The following PDE1C variants were observed in gnomAD, a reference collection of about 807,000 sequenced individuals.
The protein encoded by PDE1C is phosphodiesterase 1C, also known as dual specificity calcium/calmodulin-dependent 3',5'-cyclic nucleotide phosphodiesterase 1C.
PDE1C carries 62 observed loss-of-function variants against 93.1 expected under a neutral mutation model. That is an observed-to-expected ratio of 0.67 (90% CI 0.54 to 0.82). The LOEUF (loss-of-function observed/expected upper bound fraction) is 0.82, where lower values mean the gene tolerates loss of function less well. PDE1C is among the 40% of genes least tolerant of loss of function. The pLI is 0.00. For synonymous variants in PDE1C, 325 were observed against 310.1 expected, an observed-to-expected ratio of 1.05 and a Z score of -0.50; for missense variants, 742 against 884.6, an observed-to-expected ratio of 0.84 and a Z score of 2.04.
intron 3 of PDE1C, among the ~76,000 whole-genome samples, chr7:32,159,788 C>G (rs989800819): frequency 6.7e-6 from 1 of 150,094 alleles, no homozygotes; most frequent in Non-Finnish European, 1.5e-5. Flanking sequence ...GCCCAAAAAC[C>G]GGAAGCTCTA....
At chr7:31,852,644 C>A (rs1793490305) in intron 7 of PDE1C, among the ~76,000 whole-genome samples, 1 of 151,994 alleles carries the variant, frequency 6.6e-6, no homozygotes, top group South Asian at 2.1e-4. Flanking sequence ...AGGAAACAAG[C>A]CAGGGGTAGG....
At chr7:32,285,470 T>C (rs551074205) in intron 1 of PDE1C, among the ~76,000 whole-genome samples, 7 of 152,254 alleles carry the variant, frequency 4.6e-5, no homozygotes, top group South Asian at 2.1e-4. Flanking sequence ...AATTAGTTAA[T>C]GGATAAACAA....
chr7:31,652,376 C>A, the PDE1C span: 1 of 1,288,176 alleles, frequency 7.8e-7, no homozygotes. Flanking sequence ...TAAGCTAAGT[C>A]ACTATCAGAA....
In PDE1C at chr7:31,775,597, T is replaced by C. The variant is rs1299710815; in HGVS notation, c.1960+67A>G. On this transcript the variant is annotated intron_variant, in intron 17 of 17. Coordinates refer to ENST00000396191, the MANE Select transcript of PDE1C (RefSeq NM_001191057.4). The stretch of plus-strand genomic sequence containing the variant: ...CATGTTCTCAGTTTATCAACCCAAT[T>C]CCCGAGAAACCAGGCCTTTCCATTG... The C allele has an allele frequency of 1.3e-5, 17 of 1,328,630 alleles. No individual in the cohort carries two copies. In the East Asian group the frequency reaches 3.9e-4, roughly 31 times the overall value. The allele number at this position is 1,328,630 out of a possible 1,614,324, so 82.3% of individuals were successfully genotyped here.
At chr7:31,672,719 C>T in the PDE1C span, among the ~76,000 whole-genome samples, 3 of 152,304 alleles carry the variant, frequency 2.0e-5, no homozygotes, top group Admixed American at 6.5e-5. Context: ...CATCAGCCAT[C>T]ATCACTCCTC....
chr7:32,029,847 TG>T (rs1346330732), intron 2 of PDE1C, among the ~76,000 whole-genome samples: 1 of 152,132 alleles, frequency 6.6e-6, no homozygotes. Flanking sequence ...TTTTAAAGAC[TG>T]TCCCTTAATA....
At chr7:31,902,809 A>G (rs1800147195) in intron 2 of PDE1C, among the ~76,000 whole-genome samples, 3 of 151,180 alleles carry the variant, frequency 2.0e-5, no homozygotes, top group Admixed American at 2.0e-4. Flanking sequence ...ATATTGATAT[A>G]CTATTTATAA....
chr7:31,709,708 G>T, the PDE1C span, among the ~76,000 whole-genome samples: 1 of 152,156 alleles, frequency 6.6e-6, no homozygotes, highest in African/African-American at 2.4e-5. Context: ...GACTTGGGTG[G>T]AAGCCAAACC....
chr7:31,657,695 T>C, the PDE1C span, among the ~76,000 whole-genome samples: 1 of 152,170 alleles, frequency 6.6e-6, no homozygotes, highest in African/African-American at 2.4e-5. Flanking sequence ...TTTTGTTTTA[T>C]GCATTGACCA....
intron 1 of PDE1C, among the ~76,000 whole-genome samples, chr7:32,406,998 G>A (rs755871066): frequency 4.6e-5 from 7 of 152,118 alleles, no homozygotes; most frequent in South Asian, 2.1e-4. Flanking sequence ...AAAACAGGCC[G>A]GGCGCGGTGG....
intron 14 of PDE1C, among the ~76,000 whole-genome samples, chr7:31,819,930 T>C (rs1341180178): frequency 1.3e-5 from 2 of 152,152 alleles, no homozygotes; most frequent in African/African-American, 4.8e-5. Flanking sequence ...CTATTTCAAA[T>C]CTCAGTTCTA....
At chr7:32,205,548 T>C (rs1052118735) in intron 2 of PDE1C, among the ~76,000 whole-genome samples, 3 of 151,824 alleles carry the variant, frequency 2.0e-5, no homozygotes, top group Non-Finnish European at 4.4e-5. Context: ...CTCTGTAAAA[T>C]GGACCAATCA....
At chr7:32,140,721 C>G (rs1267312098) in intron 3 of PDE1C, among the ~76,000 whole-genome samples, 2 of 152,170 alleles carry the variant, frequency 1.3e-5, no homozygotes, top group East Asian at 3.9e-4. Flanking sequence ...ACCTTTTACC[C>G]ACTTCCCTTA....
intron 1 of PDE1C, among the ~76,000 whole-genome samples, chr7:32,368,640 T>A (rs1784268771): frequency 6.6e-6 from 1 of 152,114 alleles, no homozygotes; most frequent in African/African-American, 2.4e-5. Flanking sequence ...CTCACAGAAA[T>A]TTTTTTAAAA....
intron 3 of PDE1C, among the ~76,000 whole-genome samples, chr7:32,104,653 T>TG (rs1172888440): frequency 6.6e-6 from 1 of 151,720 alleles, no homozygotes; most frequent in African/African-American, 2.4e-5. Flanking sequence ...GGATACAGAG[T>TG]GGGGAAATGG....
chr7:32,279,099 A>T (rs1047510520), intron 1 of PDE1C, among the ~76,000 whole-genome samples: 2 of 152,232 alleles, frequency 1.3e-5, no homozygotes, highest in African/African-American at 4.8e-5. Context: ...AAAACTGATC[A>T]GATAGAAAAG....
At position 32,206,026 on chromosome 7, in the gene PDE1C, G is replaced by A. The variant is rs375590732; in HGVS notation, c.136+3463C>T. On this transcript the variant is annotated intron_variant, in intron 2 of 18. Transcript: ENST00000396193. ...CCACCAGAAGAAACCGATTCTAGACGCAGTACTGTTCTAGGATCAAGGTGT... is the reference window on the plus strand; with the variant it reads ...CCACCAGAAGAAACCGATTCTAGACACAGTACTGTTCTAGGATCAAGGTGT... Among the ~76,000 whole-genome samples the A allele has an allele frequency of 1.6e-4, 24 of 152,280 alleles. No individual in the cohort carries two copies. The East Asian group carries it at 2.7e-3, about 17-fold the overall frequency.
the PDE1C span, chr7:31,687,261 G>GC: frequency 5.2e-5 from 8 of 152,472 alleles, no homozygotes; most frequent in Middle Eastern, 0.01. Flanking sequence ...GAGCACACAC[G>GC]CCCTCCCTGT....
chr7:32,110,054 C>G (rs1798556448), intron 3 of PDE1C, among the ~76,000 whole-genome samples: 1 of 152,124 alleles, frequency 6.6e-6, no homozygotes, highest in Non-Finnish European at 1.5e-5. Flanking sequence ...GAAAAGACCT[C>G]TAGCATTCCT....
Sources: allele counts gnomAD v4.1 joint callset (sites outside exome capture counted in the v4.1 genomes callset), GRCh38; gene constraint gnomAD v4.1.1; transcripts MANE v1.5; gene names NCBI Gene and HGNC (gene_info 2026-07-23, HGNC 2026-07-21).